The following SMCHD1 variants were observed in gnomAD, a reference collection of about 807,000 sequenced individuals.
The protein encoded by SMCHD1 is structural maintenance of chromosomes flexible hinge domain containing 1.
Under a neutral mutation model 254.7 loss-of-function variants are expected in SMCHD1, and 78 were observed. The ratio of observed to expected loss-of-function variants is 0.31; its 90% CI spans 0.26 to 0.37. The LOEUF (loss-of-function observed/expected upper bound fraction) is 0.37, where lower values mean the gene tolerates loss of function less well. Ranked by LOEUF, SMCHD1 falls within the 10% of genes least tolerant of loss-of-function variation. The pLI is 1.00. For synonymous variants in SMCHD1, 766 were observed against 794.9 expected (o/e 0.96, Z 0.61); for missense variants, 1,840 against 2,408.1 (o/e 0.76, Z 4.94).
Position 2,778,126 on chromosome 18 carries a change from G to A in SMCHD1, c.5477-43G>A, listed in dbSNP as rs1175854568. 4 of 1,436,092 alleles carry A rather than the reference G, an allele frequency of 2.8e-6. No homozygotes were observed. The Admixed American group carries it at 6.0e-5, about 21-fold the overall frequency. The allele number at this position is 1,436,092 out of a possible 1,614,324, so 89.0% of individuals were successfully genotyped here. A position where few individuals can be genotyped will look rare whatever the true frequency, so the allele number is the denominator to read the frequency against. On this transcript the variant is annotated intron_variant, in intron 43 of 47. Transcript: ENST00000320876. ...TGCATTATATTTTAATATGGCCAAG[G>A]AAAATATCATAATTTTCAAAATTCA... is the stretch of plus-strand genomic sequence containing the variant.
intron 5 of SMCHD1, among the ~76,000 whole-genome samples, chr18:2,688,006 C>G (rs182398699): frequency 2.0e-5 from 3 of 152,306 alleles, no homozygotes; most frequent in Non-Finnish European, 4.4e-5. Context: ...GGAAGTGAGA[C>G]TCTCCTTTGC....
At chr18:2,770,788 T>A (rs1282566147) in intron 39 of SMCHD1, among the ~76,000 whole-genome samples, 1 of 151,978 alleles carries the variant, frequency 6.6e-6, no homozygotes, top group African/African-American at 2.4e-5. Context: ...GCCTGGCTGA[T>A]TTTTGTATTT....
At chr18:2,742,048 C>G (rs1598392687) in intron 28 of SMCHD1, among the ~76,000 whole-genome samples, 2 of 152,176 alleles carry the variant, frequency 1.3e-5, no homozygotes, top group African/African-American at 4.8e-5. Context: ...TCATGTTTTT[C>G]TGCTCTGTTC....
chr18:2,735,301 A>G (rs930306693), intron 25 of SMCHD1, among the ~76,000 whole-genome samples: 3 of 152,162 alleles, frequency 2.0e-5, no homozygotes, highest in Non-Finnish European at 2.9e-5. Flanking sequence ...GATAATGAGA[A>G]CCATCCATGA....
intron 3 of SMCHD1, among the ~76,000 whole-genome samples, chr18:2,672,639 A>G (rs898424036): frequency 6.6e-6 from 1 of 152,258 alleles, no homozygotes; most frequent in Non-Finnish European, 1.5e-5. Context: ...AAAGCAGGAA[A>G]TAGTGTGAAT....
intron 45 of SMCHD1, among the ~76,000 whole-genome samples, chr18:2,792,536 C>A (rs952248686): frequency 2.6e-5 from 4 of 152,190 alleles, no homozygotes; most frequent in Non-Finnish European, 5.9e-5. Flanking sequence ...TTTCAGACAT[C>A]CACTGGGGGT....
chr18:2,688,193 A>G (rs959886020), intron 5 of SMCHD1, among the ~76,000 whole-genome samples: 2 of 152,246 alleles, frequency 1.3e-5, no homozygotes, highest in African/African-American at 2.4e-5. Context: ...AAAAGTTTTC[A>G]GCTAAAGCTG....
chr18:2,791,716 G>A (rs1338952580), intron 45 of SMCHD1, among the ~76,000 whole-genome samples: 1 of 152,150 alleles, frequency 6.6e-6, no homozygotes, highest in Admixed American at 6.5e-5. Context: ...AACAGAAAAG[G>A]GGAACCCAGG....
intron 12 of SMCHD1, among the ~76,000 whole-genome samples, chr18:2,702,721 TAA>T (rs1221767161): frequency 6.6e-6 from 1 of 152,196 alleles, no homozygotes; most frequent in African/African-American, 2.4e-5. Context: ...CATATAACTT[TAA>T]AAAAATCAAA....
At chr18:2,771,987 C>G (rs1321878243) in intron 40 of SMCHD1, among the ~76,000 whole-genome samples, 1 of 151,868 alleles carries the variant, frequency 6.6e-6, no homozygotes, top group Non-Finnish European at 1.5e-5. Flanking sequence ...AAGAGAAGTC[C>G]TATTATAGGT....
intron 5 of SMCHD1, among the ~76,000 whole-genome samples, chr18:2,675,399 C>T (rs879485960): frequency 1.6e-4 from 24 of 151,516 alleles, no homozygotes; most frequent in Admixed American, 3.9e-4. Context: ...CGAGTAGCTG[C>T]GACTACAGGC....
chr18:2,659,861 C>A (rs2073193887), intron 1 of SMCHD1, among the ~76,000 whole-genome samples: 1 of 151,620 alleles, frequency 6.6e-6, no homozygotes, highest in Non-Finnish European at 1.5e-5. Flanking sequence ...GACTAGTTTG[C>A]AGAGTTTCAG....
chr18:2,666,163 G>T lies in SMCHD1; in HGVS notation c.193G>T (p.Gly65Cys). 6.7e-7 allele frequency: 1 copy of T among 1,486,286 alleles called. No homozygotes were observed. The highest frequency in any genetic ancestry group is 1.2e-5 in the South Asian group (1 of 84,770). The allele number at this position is 1,486,286 out of a possible 1,614,324, so 92.1% of individuals were successfully genotyped here. A position where few individuals can be genotyped will look rare whatever the true frequency, so the allele number is the denominator to read the frequency against. The stretch of plus-strand genomic sequence containing the variant: ...TATTTCTTATTTTGGATAGACACTT[G>T]GCATTTCACCTGAAGAAAAATTTGT... ...GFRACVCQTL[G>C]ISPEEKFVIT... The change falls in exon 2 of 48, where the codon GGC (glycine) becomes TGC (cysteine). Residue 65 changes from glycine (G) to cysteine (C), a missense_variant. Physicochemically the swap from Gly to Cys is radical, Grantham distance 159. Transcript: ENST00000320876.
intron 47 of SMCHD1, among the ~76,000 whole-genome samples, chr18:2,797,892 G>A (rs1333529052): frequency 2.0e-5 from 3 of 152,024 alleles, no homozygotes; most frequent in South Asian, 2.1e-4. Context: ...ACTCCAGTCC[G>A]GGCAACAAGA....
At chr18:2,789,969 G>C (rs1386626964) in intron 45 of SMCHD1, among the ~76,000 whole-genome samples, 1 of 152,108 alleles carries the variant, frequency 6.6e-6, no homozygotes, top group Admixed American at 6.5e-5. Flanking sequence ...GGATCACGAG[G>C]TCAGGAGATT....
At chr18:2,750,650 TGTTAA>T in intron 32 of SMCHD1, 143 bp downstream of exon 32, 1 of 635,052 alleles carries the variant, frequency 1.6e-6, no homozygotes, top group Non-Finnish European at 2.5e-6. Flanking sequence ...ATGTTGCAGA[TGTTAA>T]GTCAATAGGA....
chr18:2,670,116 A>G (rs1295590016), intron 3 of SMCHD1, among the ~76,000 whole-genome samples: 1 of 152,142 alleles, frequency 6.6e-6, no homozygotes, highest in South Asian at 2.1e-4. Flanking sequence ...TGCTGAAAAC[A>G]CCCATGGCTC....
intron 45 of SMCHD1, among the ~76,000 whole-genome samples, chr18:2,795,572 CAATATTT>C (rs2076248300): frequency 6.6e-6 from 1 of 152,166 alleles, no homozygotes; most frequent in Non-Finnish European, 1.5e-5. Context: ...TCTAACAACA[CAATATTT>C]AATGTATTTG....
intron 21 of SMCHD1, 60 bp from the exon 22 acceptor site, chr18:2,726,392 A>G: frequency 1.1e-6 from 1 of 880,806 alleles, no homozygotes; most frequent in Non-Finnish European, 1.7e-6. Context: ...AATTGATGTG[A>G]TAAACTACTT....
Sources: gnomAD v4.1 joint callset for allele counts (sites outside exome capture counted in the v4.1 genomes callset) on GRCh38, gnomAD v4.1.1 for gene constraint, MANE v1.5 for transcripts, NCBI Gene and HGNC (gene_info 2026-07-23, HGNC 2026-07-21) for gene names.